OXR1: variants seen among roughly 807,000 people sequenced by gnomAD.
OXR1 encodes oxidation resistance 1.
OXR1 carries 41 observed loss-of-function variants against 104.6 expected under a neutral mutation model. The observed-to-expected ratio is 0.39, with a 90% confidence interval of 0.31 to 0.51. The LOEUF is 0.51. OXR1 is among the 20% of genes least tolerant of loss of function. The probability of loss-of-function intolerance (pLI) is 0.77; values close to 1 mark genes in which losing one functional copy is unlikely to be tolerated. For synonymous variants in OXR1, 348 were observed against 348.4 expected (o/e 1.00, Z 0.01); for missense variants, 955 against 1,031.9 (o/e 0.93, Z 1.02).
In OXR1 at chr8:106,518,961, G is replaced by T. The variant is rs369646018; in HGVS notation, c.42G>T (p.Gln14His). Reference protein sequence around the residue: ...SNLSWLKKKSQSVDINAPGFN... With the variant: ...SNLSWLKKKSHSVDINAPGFN... The stretch of plus-strand genomic sequence containing the variant: ...CTTGTAGGCTGAAGAAAAAGTCCCA[G>T]TCGGTGGATATTAATGCTCCAGGGT... The change falls in exon 3 of 17, where the codon CAG becomes CAT. Residue 14 changes from glutamine (Q) to histidine (H), a missense_variant. Gln to His is a conservative substitution (Grantham distance 24). This residue lies in a region of OXR1 where 849 missense variants were observed against 852.9 expected (regional missense o/e 1.00). Coordinates refer to ENST00000517566, the MANE Select transcript of OXR1 (RefSeq NM_001198533.2). 4.0e-5 allele frequency: 62 copies of T among 1,551,016 alleles called. No homozygotes were observed. The highest frequency in any genetic ancestry group is 5.3e-5 in the Non-Finnish European group (61 of 1,146,646).
chr8:106,691,848 C>T (rs949160101), intron 6 of OXR1, among the ~76,000 whole-genome samples: 7 of 150,576 alleles, frequency 4.6e-5, no homozygotes, highest in Admixed American at 1.3e-4. Context: ...TACAGTTAAG[C>T]TCACTGGTTT....
chr8:106,642,172 T>A (rs1823708360), intron 3 of OXR1, among the ~76,000 whole-genome samples: 1 of 152,150 alleles, frequency 6.6e-6, no homozygotes, highest in South Asian at 2.1e-4. Context: ...CACACAGGGA[T>A]ACAGTGAAAG....
intron 2 of OXR1, among the ~76,000 whole-genome samples, chr8:106,472,658 G>T (rs977679491): frequency 2.0e-5 from 3 of 151,874 alleles, no homozygotes; most frequent in African/African-American, 7.2e-5. Flanking sequence ...GGTAAAGGAA[G>T]AGACTTATGC....
At chr8:106,331,317 T>C (rs1271892134) in intron 1 of OXR1, among the ~76,000 whole-genome samples, 2 of 152,212 alleles carry the variant, frequency 1.3e-5, no homozygotes, top group African/African-American at 4.8e-5. Context: ...TTTCATTAGT[T>C]GATTAAAATG....
At chr8:106,487,394 T>C (rs1389407108) in intron 2 of OXR1, among the ~76,000 whole-genome samples, 1 of 148,846 alleles carries the variant, frequency 6.7e-6, no homozygotes, top group Non-Finnish European at 1.5e-5. Context: ...TACATAACAA[T>C]TGTACATATT....
chr8:106,341,146 T>C (rs1815229733), intron 1 of OXR1, among the ~76,000 whole-genome samples: 1 of 152,170 alleles, frequency 6.6e-6, no homozygotes, highest in South Asian at 2.1e-4. Context: ...CACCTCTGTA[T>C]ATATAGTTTA....
intron 3 of OXR1, among the ~76,000 whole-genome samples, chr8:106,565,582 C>G (rs897177412): frequency 6.6e-6 from 1 of 152,108 alleles, no homozygotes; most frequent in Non-Finnish European, 1.5e-5. Context: ...CATGCTATTC[C>G]CATCAAGCTA....
chr8:106,322,691 G>A (rs1231689024), intron 1 of OXR1, among the ~76,000 whole-genome samples: 5 of 152,058 alleles, frequency 3.3e-5, no homozygotes, highest in Admixed American at 1.3e-4. Flanking sequence ...GCAAAGTTGC[G>A]GAGTACAAAA....
At chr8:106,556,792 T>C (rs1319428935) in intron 3 of OXR1, among the ~76,000 whole-genome samples, 1 of 152,202 alleles carries the variant, frequency 6.6e-6, no homozygotes, top group Non-Finnish European at 1.5e-5. Flanking sequence ...GATTATGTAA[T>C]GATTCTGCTG....
chr8:106,361,555 G>A (rs1051075990), intron 2 of OXR1, among the ~76,000 whole-genome samples: 2 of 152,168 alleles, frequency 1.3e-5, no homozygotes, highest in Non-Finnish European at 2.9e-5. Context: ...CATGCAAAAC[G>A]AGTCACTGAT....
At chr8:106,638,746 A>C (rs1823367590) in intron 3 of OXR1, among the ~76,000 whole-genome samples, 1 of 152,194 alleles carries the variant, frequency 6.6e-6, no homozygotes, top group South Asian at 2.1e-4. Context: ...TACAAAAATT[A>C]GCTGGGCGTG....
chr8:106,576,480 A>AG (rs1196188511), intron 3 of OXR1, among the ~76,000 whole-genome samples: 2 of 150,214 alleles, frequency 1.3e-5, no homozygotes, highest in South Asian at 2.1e-4. Flanking sequence ...AAAAAAAAAA[A>AG]AAAAAGAAAA....
intron 3 of OXR1, among the ~76,000 whole-genome samples, chr8:106,629,637 A>G (rs1041304477): frequency 2.0e-5 from 3 of 152,230 alleles, no homozygotes; most frequent in Non-Finnish European, 4.4e-5. Context: ...ATATGTAAAA[A>G]ACACCAGTAC....
At chr8:106,595,452 A>G (rs1049349807) in intron 3 of OXR1, among the ~76,000 whole-genome samples, 2 of 148,888 alleles carry the variant, frequency 1.3e-5, no homozygotes, top group Non-Finnish European at 3.0e-5. Context: ...CATGAGGCTG[A>G]GGCAGGAGAA....
At position 106,286,649 on chromosome 8, in the gene OXR1, A is replaced by G. The variant is rs895930158; in HGVS notation, c.-139+16282A>G. Among the ~76,000 whole-genome samples the G allele has an allele frequency of 1.2e-4, 18 of 151,904 alleles. No homozygotes were observed. The South Asian group carries it at 2.7e-3, about 23-fold the overall frequency. On this transcript the variant is annotated intron_variant, in intron 1 of 16. Coordinates refer to ENST00000517566, the MANE Select transcript of OXR1 (RefSeq NM_001198533.2). Reference sequence around the variant, plus strand: ...TAGAATCCTAGTTTTTCTCATATACAGAAATGAGAGACTTTGTGTTGCTAT... The same window carrying G: ...TAGAATCCTAGTTTTTCTCATATACGGAAATGAGAGACTTTGTGTTGCTAT...
intron 2 of OXR1, among the ~76,000 whole-genome samples, chr8:106,410,752 T>A (rs777346723): frequency 1.4e-4 from 21 of 152,254 alleles, no homozygotes; most frequent in South Asian, 4.2e-4. Context: ...AGTGATGGAA[T>A]GTGTATAACA....
chr8:106,572,354 T>A (rs1437769139), intron 3 of OXR1, among the ~76,000 whole-genome samples: 2 of 152,346 alleles, frequency 1.3e-5, no homozygotes, highest in East Asian at 3.9e-4. Context: ...TTTCACCATC[T>A]CTTTATCAAG....
intron 3 of OXR1, among the ~76,000 whole-genome samples, chr8:106,607,994 G>A (rs58713013): frequency 0.028 from 4,228 of 152,090 alleles, 83 homozygotes; most frequent in Admixed American, 0.051. Flanking sequence ...ATTTTATTAG[G>A]GTGGGCACTG....
chr8:106,588,061 C>T (rs1203341101), intron 3 of OXR1, among the ~76,000 whole-genome samples: 1 of 151,898 alleles, frequency 6.6e-6, no homozygotes, highest in African/African-American at 2.4e-5. Flanking sequence ...ACGCCATTCT[C>T]CTGCCTCAGC....
Sources: allele counts gnomAD v4.1 joint callset (sites outside exome capture counted in the v4.1 genomes callset), GRCh38; gene constraint gnomAD v4.1.1; regional missense constraint gnomAD v4.1.1; transcripts MANE v1.5; gene names NCBI Gene and HGNC (gene_info 2026-07-23, HGNC 2026-07-21).